The following LNPK variants were observed in gnomAD, a reference collection of about 807,000 sequenced individuals.
LNPK encodes the protein lunapark, ER junction formation factor, also known as endoplasmic reticulum junction formation protein lunapark.
In LNPK, 29 loss-of-function variants were observed where a neutral mutation model predicts 55.2. The ratio of observed to expected loss-of-function variants is 0.53; its 90% confidence interval spans 0.39 to 0.72. The LOEUF (loss-of-function observed/expected upper bound fraction) is 0.72. Among genes scored for constraint, LNPK ranks in the 30% least tolerant of loss-of-function variants. The probability of loss-of-function intolerance (pLI) is 0.00; values close to 1 mark genes in which losing one functional copy is unlikely to be tolerated. For missense variants in LNPK, 467 were observed against 494.8 expected, an observed-to-expected ratio of 0.94 and a Z score of 0.53; for synonymous variants, 162 against 168.2, an observed-to-expected ratio of 0.96 and a Z score of 0.29.
chr2:175,992,419 CTGT>C lies in LNPK; in HGVS notation c.70-4_70-2del. On this transcript the variant is annotated splice_acceptor_variant and splice_polypyrimidine_tract_variant and intron_variant, in intron 3 of 12. Coordinates refer to ENST00000272748, the MANE Select transcript of LNPK (RefSeq NM_030650.3). LOFTEE classifies it high-confidence loss of function. ...TAAATTCTTCCAATGCTTGAATTTC[CTGT>C]TAAGAGAAAATTATTCCATGTTAGT... 1 of 1,479,340 alleles carries C rather than the reference CTGT, an allele frequency of 6.8e-7. No individual in the cohort carries two copies. The highest frequency in any genetic ancestry group is 2.6e-5 in the East Asian group (1 of 38,574). The allele number at this position is 1,479,340 out of a possible 1,614,324, so 91.6% of individuals were successfully genotyped here. A position where few individuals can be genotyped will look rare whatever the true frequency, so the allele number is the denominator to read the frequency against.
chr2:175,993,147 A>C, intron 3 of LNPK, 35 bp downstream of exon 3: 3 of 1,321,618 alleles, frequency 2.3e-6, no homozygotes, highest in Non-Finnish European at 3.2e-6. Context: ...TAATACCTAA[A>C]ATGAATTAAA....
rs1388513927 is a variant in LNPK, at chr2:175,966,575, T to C, written c.358-1986A>G. 3.3e-5 allele frequency among the ~76,000 whole-genome samples: 5 copies of C among 152,362 alleles called. No homozygotes were observed. The South Asian group carries it at 6.2e-4, about 19-fold the overall frequency. On this transcript the variant is annotated intron_variant, in intron 6 of 12. Transcript: ENST00000272748. ...TATTCAAGTGTATCTATGTTTTTATTTATCTTAAATAAAATCAGTTTTTAA... is the reference window on the plus strand; with the variant it reads ...TATTCAAGTGTATCTATGTTTTTATCTATCTTAAATAAAATCAGTTTTTAA...
intron 5 of LNPK, among the ~76,000 whole-genome samples, chr2:175,975,380 A>G (rs1559061360): frequency 6.6e-6 from 1 of 152,218 alleles, no homozygotes. Context: ...ACACTTCGCA[A>G]TTTTTATATG....
Position 175,964,355 on chromosome 2 carries a change from T to C in LNPK, c.493+17A>G. 1 of 1,607,442 alleles carries C rather than the reference T, an allele frequency of 6.2e-7. No individual in the cohort carries two copies. The highest frequency in any genetic ancestry group is 1.1e-5 in the South Asian group (1 of 90,634). On this transcript the variant is annotated intron_variant, in intron 8 of 12. Coordinates refer to ENST00000272748, the MANE Select transcript of LNPK (RefSeq NM_030650.3). ...GATCTTTCCAACAGCAGCAGCAGTT[T>C]CTACTAAGTTATTTACCTTGTCCAG...
intron 4 of LNPK, among the ~76,000 whole-genome samples, chr2:175,983,889 T>C (rs819031): frequency 0.59 from 88,898 of 150,848 alleles, 26,838 homozygotes; most frequent in African/African-American, 0.7. Context: ...TAAACCACCT[T>C]GACCTGAACC....
chr2:175,960,248 G>A (rs1574850585), intron 8 of LNPK, among the ~76,000 whole-genome samples: 1 of 152,212 alleles, frequency 6.6e-6, no homozygotes, highest in Middle Eastern at 3.4e-3. Flanking sequence ...CAAATCAACA[G>A]AATATACATT....
chr2:175,981,033 T>A (rs949283561), intron 4 of LNPK, among the ~76,000 whole-genome samples: 5 of 152,180 alleles, frequency 3.3e-5, no homozygotes, highest in African/African-American at 1.2e-4. Context: ...GTATGAAAAT[T>A]AGTTCTTCAC....
intron 10 of LNPK, chr2:175,938,850 GATTA>G (rs748092543): frequency 6.6e-6 from 1 of 152,064 alleles, no homozygotes; most frequent in Non-Finnish European, 1.5e-5. Flanking sequence ...ACAACCCAAA[GATTA>G]ATTACTATAC....
At chr2:175,958,527 C>T (rs888523703) in intron 8 of LNPK, among the ~76,000 whole-genome samples, 2 of 151,384 alleles carry the variant, frequency 1.3e-5, no homozygotes, top group African/African-American at 4.8e-5. Flanking sequence ...GTATCAACAT[C>T]AACAAAAAGG....
intron 12 of LNPK, 63 bp from the exon 13 acceptor site, chr2:175,930,262 A>C: frequency 8.6e-7 from 1 of 1,168,012 alleles, no homozygotes. Context: ...AAATAAGGCA[A>C]GCAAAAAAGA....
At chr2:175,930,700 C>T (rs943550377) in intron 12 of LNPK, among the ~76,000 whole-genome samples, 1 of 151,900 alleles carries the variant, frequency 6.6e-6, no homozygotes, top group Non-Finnish European at 1.5e-5. Flanking sequence ...GTGGATGGTG[C>T]GTTCCTACAC....
At position 175,992,386 on chromosome 2, in the gene LNPK, T is replaced by G. The variant is rs773440806; in HGVS notation, c.102A>C (p.Lys34Asn). ...CCCATAATTTTTGTAATCTCTGATTTTTTTCCCTAAATTCTTCCAATGCTT... is the reference window on the plus strand; with the variant it reads ...CCCATAATTTTTGTAATCTCTGATTGTTTTCCCTAAATTCTTCCAATGCTT... ...EIQALEEFREKNQRLQKLWVG... is the reference protein window; with the variant it reads ...EIQALEEFRENNQRLQKLWVG... The change falls in exon 4 of 13, where the codon AAA becomes AAC. Residue 34 changes from lysine (K) to asparagine (N), a missense_variant. By Grantham distance (94) the Lys-to-Asn change is moderately conservative (BLOSUM62 0). Transcript: ENST00000272748. 8 of 1,512,960 alleles carry G rather than the reference T, an allele frequency of 5.3e-6. No homozygotes were observed. The East Asian group carries it at 1.8e-4, about 35-fold the overall frequency. The allele number at this position is 1,512,960 out of a possible 1,614,324, so 93.7% of individuals were successfully genotyped here. A position where few individuals can be genotyped will look rare whatever the true frequency, so the allele number is the denominator to read the frequency against.
chr2:175,981,409 T>C (rs1332386485), intron 4 of LNPK, among the ~76,000 whole-genome samples: 3 of 152,158 alleles, frequency 2.0e-5, no homozygotes, highest in Admixed American at 2.0e-4. Context: ...CCTGTGTGAA[T>C]TTAGGAGTAG....
intron 9 of LNPK, 37 bp downstream of exon 9, chr2:175,947,443 A>C (rs1355139727): frequency 6.4e-7 from 1 of 1,562,832 alleles, no homozygotes; most frequent in South Asian, 1.1e-5. Context: ...CAGAGAAAAC[A>C]ATATAAACTG....
chr2:175,940,850 AACT>A (rs1249910970), intron 9 of LNPK: 7 of 312,836 alleles, frequency 2.2e-5, no homozygotes, highest in Non-Finnish European at 3.8e-5. Flanking sequence ...TACAGATAAA[AACT>A]ACAATGTCTA....
At position 175,985,246 on chromosome 2, in the gene LNPK, C is replaced by T. The variant is rs77085755; in HGVS notation, c.258-5378G>A. 7.0e-3 allele frequency among the ~76,000 whole-genome samples: 1,069 copies of T among 152,162 alleles called. 3 individuals carry two copies. The highest frequency in any genetic ancestry group is 0.011 in the Admixed American group (163 of 15,282). On this transcript the variant is annotated intron_variant, in intron 4 of 12. Transcript: ENST00000272748. ...GCTATAAAGGAGTAGCAAAAAGGAG[C>T]CTTGTGGTGATGGAACAGTTCTGGA...
At chr2:175,938,417 C>T (rs1179863575) in intron 10 of LNPK, 34 bp from the exon 11 acceptor site, 2 of 1,213,294 alleles carry the variant, frequency 1.6e-6, no homozygotes, top group Non-Finnish European at 2.4e-6. Context: ...AGACCAGTTA[C>T]AAATGCAAAC....
intron 5 of LNPK, among the ~76,000 whole-genome samples, chr2:175,975,197 C>T (rs1201078544): frequency 6.6e-6 from 1 of 152,066 alleles, no homozygotes; most frequent in Non-Finnish European, 1.5e-5. Flanking sequence ...AAACATCATA[C>T]TTAATGGTAA....
Position 175,929,022 on chromosome 2 carries a change from T to C in LNPK, c.*945A>G, listed in dbSNP as rs1191154499. 1 of 642,768 alleles carries C rather than the reference T, an allele frequency of 1.6e-6. No homozygotes were observed. Among genetic ancestry groups the C allele is most frequent in the Non-Finnish European group, 1.9e-6 (1 of 516,536 alleles). The allele number at this position is 642,768 out of a possible 1,614,324, so 39.8% of individuals were successfully genotyped here. On this transcript the variant is annotated 3_prime_UTR_variant, in exon 13 of 13. Transcript: ENST00000272748. ...TTGCTCTAAGCAGAATCTACAGATTTATTGTATTGTGAGCTATTCCTCCTA... is the reference window on the plus strand; with the variant it reads ...TTGCTCTAAGCAGAATCTACAGATTCATTGTATTGTGAGCTATTCCTCCTA...
Sources: allele counts gnomAD v4.1 joint callset (sites outside exome capture counted in the v4.1 genomes callset), GRCh38; gene constraint gnomAD v4.1.1; transcripts MANE v1.5; gene names NCBI Gene and HGNC (gene_info 2026-07-23, HGNC 2026-07-21).